The following KCNQ5 variants were observed in gnomAD, a reference collection of about 807,000 sequenced individuals.
The protein encoded by KCNQ5 is potassium voltage-gated channel subfamily KQT member 5.
Under a neutral mutation model 98.2 loss-of-function variants are expected in KCNQ5, and 30 were observed. That is an observed-to-expected ratio of 0.31 (90% confidence interval 0.23 to 0.41). KCNQ5 has a LOEUF of 0.41. Ranked by LOEUF, KCNQ5 falls within the 10% of genes least tolerant of loss-of-function variation. The probability of loss-of-function intolerance (pLI) is 1.00; values close to 1 mark genes in which losing one functional copy is unlikely to be tolerated. For missense variants in KCNQ5, 835 were observed against 1,182.5 expected, an observed-to-expected ratio of 0.71 and a Z score of 4.31; for synonymous variants, 458 against 449.4, an observed-to-expected ratio of 1.02 and a Z score of -0.24.
At chr6:72,956,288 A>G (rs1469098432) in intron 1 of KCNQ5, among the ~76,000 whole-genome samples, 1 of 152,172 alleles carries the variant, frequency 6.6e-6, no homozygotes, top group Non-Finnish European at 1.5e-5. Flanking sequence ...AGAAGAAAAG[A>G]TCCAAACCAG....
At chr6:72,968,132 A>T (rs1208627134) in intron 1 of KCNQ5, among the ~76,000 whole-genome samples, 1 of 152,210 alleles carries the variant, frequency 6.6e-6, no homozygotes, top group Non-Finnish European at 1.5e-5. Flanking sequence ...ACACACACAA[A>T]CATACAAACA....
intron 1 of KCNQ5, among the ~76,000 whole-genome samples, chr6:72,625,850 C>G (rs1581998201): frequency 6.6e-6 from 1 of 152,288 alleles, no homozygotes; most frequent in Middle Eastern, 3.4e-3. Context: ...TTTACCACTT[C>G]TATTCCATTC....
intron 1 of KCNQ5, among the ~76,000 whole-genome samples, chr6:72,657,877 C>T (rs1024636489): frequency 6.6e-6 from 1 of 152,232 alleles, no homozygotes; most frequent in East Asian, 1.9e-4. Context: ...TTTGTGACTT[C>T]TCCAACCTCA....
At chr6:73,111,425 A>G (rs1582378820) in intron 7 of KCNQ5, 22 bp downstream of exon 7, 1 of 1,505,894 alleles carries the variant, frequency 6.6e-7, no homozygotes. Flanking sequence ...TGTAATAGGT[A>G]GATGGCAACA....
intron 1 of KCNQ5, among the ~76,000 whole-genome samples, chr6:72,680,631 T>C (rs1020340658): frequency 6.6e-6 from 1 of 152,216 alleles, no homozygotes; most frequent in Non-Finnish European, 1.5e-5. Flanking sequence ...GATAACCATT[T>C]TTTTACTCGT....
At chr6:72,808,214 AGAAGAAGT>A (rs1561996802) in intron 1 of KCNQ5, among the ~76,000 whole-genome samples, 1 of 152,230 alleles carries the variant, frequency 6.6e-6, no homozygotes, top group East Asian at 1.9e-4. Flanking sequence ...TATCTAAGAA[AGAAGAAGT>A]TGTTACGATT....
At chr6:73,031,248 G>A (rs1771128591) in intron 2 of KCNQ5, among the ~76,000 whole-genome samples, 1 of 152,154 alleles carries the variant, frequency 6.6e-6, no homozygotes. Context: ...AGAAACCATA[G>A]GAGTGAAATT....
rs145242164 is a variant in KCNQ5, at chr6:72,713,076, C to T, written c.398+90489C>T. 2.9e-3 allele frequency among the ~76,000 whole-genome samples: 434 copies of T among 152,186 alleles called. 5 individuals are homozygous for T. Among genetic ancestry groups the T allele is most frequent in the East Asian group, 0.019 (98 of 5,172 alleles). On this transcript the variant is annotated intron_variant, in intron 1 of 13. Transcript: ENST00000370398. ...AAATGAATACATGCTTAAAGTCGCA[C>T]GGCAGGAGGTAGATATAAAAATGCT... is the stretch of plus-strand genomic sequence containing the variant.
chr6:72,859,767 T>C (rs1365652841), intron 1 of KCNQ5, among the ~76,000 whole-genome samples: 2 of 152,062 alleles, frequency 1.3e-5, no homozygotes, highest in Non-Finnish European at 2.9e-5. Flanking sequence ...TGTGTGTATT[T>C]TTAGTAGAGA....
intron 1 of KCNQ5, among the ~76,000 whole-genome samples, chr6:72,836,879 CTT>C (rs1776529097): frequency 6.6e-6 from 1 of 152,090 alleles, no homozygotes; most frequent in Non-Finnish European, 1.5e-5. Context: ...CACCCTCTGT[CTT>C]TTGATAATGC....
intron 13 of KCNQ5, 91 bp downstream of exon 13, chr6:73,192,782 T>C: frequency 9.0e-7 from 1 of 1,114,044 alleles, no homozygotes; most frequent in Non-Finnish European, 1.2e-6. Context: ...AGTGATTATT[T>C]TAAAATAAAT....
intron 2 of KCNQ5, among the ~76,000 whole-genome samples, chr6:73,007,409 A>G (rs1769862465): frequency 6.6e-6 from 1 of 152,200 alleles, no homozygotes; most frequent in Non-Finnish European, 1.5e-5. Context: ...TTATCTGTTA[A>G]AAGTGAATAG....
rs183607178 is a variant in KCNQ5 at position 72,857,018 on chromosome 6, G to C, written c.399-146890G>C. Among the ~76,000 whole-genome samples the C allele has an allele frequency of 2.5e-3, 385 of 152,322 alleles. 2 individuals are homozygous for C. Among genetic ancestry groups the C allele is most frequent in the Non-Finnish European group, 3.1e-3 (214 of 68,040 alleles). ...AGGGGAAGATACTCTGTCACAAAGTGGCAAGCCCAGCACAGGCTGTGAAGG... is the reference window on the plus strand; with the variant it reads ...AGGGGAAGATACTCTGTCACAAAGTCGCAAGCCCAGCACAGGCTGTGAAGG... On this transcript the variant is annotated intron_variant, in intron 1 of 13. Coordinates refer to ENST00000370398, the MANE Select transcript of KCNQ5 (RefSeq NM_019842.4).
At chr6:72,655,026 GTCTTTCTT>G (rs55711635) in intron 1 of KCNQ5, among the ~76,000 whole-genome samples, 8,833 of 105,552 alleles carry the variant, frequency 0.084, 427 homozygotes, top group Middle Eastern at 0.16. Flanking sequence ...AGGTCTGTCT[GTCTTTCTT>G]TCTTTCTTTC....
At chr6:72,873,914 G>A (rs1204237899) in intron 1 of KCNQ5, among the ~76,000 whole-genome samples, 1 of 151,668 alleles carries the variant, frequency 6.6e-6, no homozygotes, top group Non-Finnish European at 1.5e-5. Flanking sequence ...TGATAATTAC[G>A]AGTTGAGAAA....
intron 1 of KCNQ5, among the ~76,000 whole-genome samples, chr6:72,726,303 C>T (rs1157967330): frequency 4.0e-5 from 6 of 151,376 alleles, no homozygotes; most frequent in Non-Finnish European, 7.4e-5. Context: ...CTCCACCTCC[C>T]GGGTTCAAGA....
At chr6:73,172,141 T>C (rs780813997) in intron 11 of KCNQ5, among the ~76,000 whole-genome samples, 1 of 152,228 alleles carries the variant, frequency 6.6e-6, no homozygotes, top group African/African-American at 2.4e-5. Flanking sequence ...TACATGTCTA[T>C]CTTTTTGTGG....
intron 2 of KCNQ5, among the ~76,000 whole-genome samples, chr6:73,026,521 C>A (rs1365630809): frequency 6.6e-6 from 1 of 152,168 alleles, no homozygotes; most frequent in Non-Finnish European, 1.5e-5. Flanking sequence ...CTCTTCCCAG[C>A]ACCTTCATCC....
intron 1 of KCNQ5, among the ~76,000 whole-genome samples, chr6:72,654,896 A>G (rs1766067885): frequency 6.6e-6 from 1 of 152,112 alleles, no homozygotes. Context: ...AATTGTAATT[A>G]AGTATGCTTG....
Sources: allele counts gnomAD v4.1 joint callset (sites outside exome capture counted in the v4.1 genomes callset), GRCh38; gene constraint gnomAD v4.1.1; transcripts MANE v1.5; gene names NCBI Gene and HGNC (gene_info 2026-07-23, HGNC 2026-07-21).